Variants in GRIA1 observed in about 807,000 individuals in gnomAD.
GRIA1 encodes glutamate receptor 1.
Under a neutral mutation model 99.2 loss-of-function variants are expected in GRIA1, and 31 were observed. That is an observed-to-expected ratio of 0.31 (90% CI 0.23 to 0.42). GRIA1 has a LOEUF of 0.42. Ranked by LOEUF, GRIA1 falls within the 10% of genes least tolerant of loss-of-function variation. The pLI is 1.00. For missense variants in GRIA1, 782 were observed against 1,157.5 expected, an observed-to-expected ratio of 0.68 and a Z score of 4.71; for synonymous variants, 438 against 432.4, an observed-to-expected ratio of 1.01 and a Z score of -0.16.
rs778958280 is a variant in GRIA1 at position 153,705,813 on chromosome 5, A to G, written c.1569A>G (p.Lys523=). Residue 523 remains lysine, a synonymous_variant, in exon 11 of 16, where the codon AAA becomes AAG. Transcript: ENST00000285900. ...CCATCATGATTAAAAAACCACAGAA[A>G]TCCAAGCCGGGTGTCTTCTCCTTCC... The part of the protein sequence containing the change: ...GISIMIKKPQ[K]SKPGVFSFLD... 1 of 1,613,660 alleles carries G rather than the reference A, an allele frequency of 6.2e-7. No individual in the cohort carries two copies. The highest frequency in any genetic ancestry group is 8.5e-7 in the Non-Finnish European group (1 of 1,179,930).
intron 13 of GRIA1, among the ~76,000 whole-genome samples, chr5:153,790,160 G>A (rs1227612564): frequency 2.0e-5 from 3 of 152,152 alleles, no homozygotes; most frequent in African/African-American, 7.2e-5. Flanking sequence ...TGAAGCCACA[G>A]GAGGCAGGTA....
At chr5:153,640,097 C>T (rs1410382153) in intron 2 of GRIA1, among the ~76,000 whole-genome samples, 3 of 152,180 alleles carry the variant, frequency 2.0e-5, no homozygotes, top group South Asian at 2.1e-4. Context: ...GCCCCCTGCC[C>T]TTGGTTACAT....
rs1050412689 is a variant in GRIA1 at position 153,634,272 on chromosome 5, C to T, written c.221-12656C>T. Among the ~76,000 whole-genome samples the T allele has an allele frequency of 4.0e-5, 6 of 149,684 alleles. No individual in the cohort carries two copies. The East Asian group carries it at 5.9e-4, about 15-fold the overall frequency. ...GGTGGAGCTTGCAGTGAGCCGAGAT[C>T]GCGCCACTGCAATCCAGTCTGGGCA... On this transcript the variant is annotated intron_variant, in intron 2 of 15. Coordinates refer to ENST00000285900, the MANE Select transcript of GRIA1 (RefSeq NM_000827.4).
chr5:153,695,719 C>A (rs545374738), intron 8 of GRIA1, among the ~76,000 whole-genome samples: 1 of 152,234 alleles, frequency 6.6e-6, no homozygotes, highest in Admixed American at 6.5e-5. Context: ...TCTCCTTCCA[C>A]CTTGACTAAC....
chr5:153,697,991 C>A, intron 8 of GRIA1, 53 bp from the exon 9 acceptor site: 1 of 943,984 alleles, frequency 1.1e-6, no homozygotes, highest in South Asian at 1.4e-5. Context: ...CAGAGCAGGC[C>A]AGTTCAGAGG....
In GRIA1 at chr5:153,585,401, C is replaced by T. The variant is rs193042960; in HGVS notation, c.221-61527C>T. Among the ~76,000 whole-genome samples, 1,280 of 145,546 alleles carry T rather than the reference C, an allele frequency of 8.8e-3. 7 individuals carry two copies. Among genetic ancestry groups the T allele is most frequent in the Non-Finnish European group, 0.013 (863 of 66,654 alleles). The stretch of plus-strand genomic sequence containing the variant: ...TCAGCTCACTGCAACCTCCACCTCC[C>T]GGGTCCAAGCAATTTTCCTGTCTCA... On this transcript the variant is annotated intron_variant, in intron 2 of 15. Transcript: ENST00000285900.
chr5:153,733,960 A>C (rs1005251163), intron 11 of GRIA1, among the ~76,000 whole-genome samples: 1 of 152,202 alleles, frequency 6.6e-6, no homozygotes, highest in Middle Eastern at 3.2e-3. Flanking sequence ...TCCACAGAAA[A>C]ATCCATAAGG....
At chr5:153,548,709 A>G (rs1759838131) in intron 2 of GRIA1, among the ~76,000 whole-genome samples, 1 of 152,214 alleles carries the variant, frequency 6.6e-6, no homozygotes, top group Non-Finnish European at 1.5e-5. Context: ...AAAATGTGAG[A>G]AAAAGGGGAA....
At chr5:153,701,795 T>C (rs1164901041) in intron 10 of GRIA1, among the ~76,000 whole-genome samples, 1 of 152,018 alleles carries the variant, frequency 6.6e-6, no homozygotes, top group Non-Finnish European at 1.5e-5. Flanking sequence ...AAAAATTCAT[T>C]TGGAGGCTTC....
chr5:153,777,886 C>A (rs1335350002), intron 13 of GRIA1, among the ~76,000 whole-genome samples: 1 of 152,162 alleles, frequency 6.6e-6, no homozygotes, highest in Non-Finnish European at 1.5e-5. Context: ...TACAGTATGT[C>A]CCAGGGAAAT....
chr5:153,743,204 C>CA (rs1323683947), intron 11 of GRIA1, among the ~76,000 whole-genome samples: 4 of 152,012 alleles, frequency 2.6e-5, no homozygotes, highest in South Asian at 2.1e-4. Context: ...ATGGCAGACA[C>CA]AAAAAAATGG....
At chr5:153,685,819 A>G (rs1014690483) in intron 7 of GRIA1, among the ~76,000 whole-genome samples, 16 of 152,186 alleles carry the variant, frequency 1.1e-4, no homozygotes, top group Non-Finnish European at 1.8e-4. Flanking sequence ...CTTCTGACTC[A>G]TTAGTGATGG....
intron 2 of GRIA1, among the ~76,000 whole-genome samples, chr5:153,633,651 A>G (rs1044461917): frequency 6.6e-6 from 1 of 152,202 alleles, no homozygotes; most frequent in Non-Finnish European, 1.5e-5. Context: ...AAGAAAATGT[A>G]TAAGTTAGAG....
chr5:153,688,439 G>T (rs545058231), intron 8 of GRIA1, among the ~76,000 whole-genome samples: 1 of 152,280 alleles, frequency 6.6e-6, no homozygotes, highest in South Asian at 2.1e-4. Flanking sequence ...ACATTTGCTA[G>T]GTCACTTAGC....
chr5:153,532,194 G>T (rs1384225302), intron 2 of GRIA1, among the ~76,000 whole-genome samples: 3 of 152,090 alleles, frequency 2.0e-5, no homozygotes, highest in Non-Finnish European at 4.4e-5. Context: ...ATTCCCCAAA[G>T]ATCATCCCCA....
At chr5:153,793,672 G>T (rs1417314227) in intron 13 of GRIA1, among the ~76,000 whole-genome samples, 1 of 152,184 alleles carries the variant, frequency 6.6e-6, no homozygotes, top group Non-Finnish European at 1.5e-5. Flanking sequence ...GTGAGGAGTT[G>T]TCCATAGAGA....
rs549472766 is a variant in GRIA1 at position 153,492,047 on chromosome 5, G to T, written c.82+1077G>T. 1.9e-5 allele frequency: 19 copies of T among 1,020,568 alleles called. No individual in the cohort carries two copies. The East Asian group carries it at 5.0e-4, about 27-fold the overall frequency. The allele number at this position is 1,020,568 out of a possible 1,614,324, so 63.2% of individuals were successfully genotyped here. A position where few individuals can be genotyped will look rare whatever the true frequency, so the allele number is the denominator to read the frequency against. ...CGGAATGAAGCAAGCTGCTGTGTTT[G>T]GAAGCATCTTCGTTGGTTTGGTTTC... On this transcript the variant is annotated intron_variant, in intron 1 of 15. Transcript: ENST00000285900.
At chr5:153,648,950 C>T (rs916520250) in intron 3 of GRIA1, among the ~76,000 whole-genome samples, 1 of 151,886 alleles carries the variant, frequency 6.6e-6, no homozygotes, top group African/African-American at 2.4e-5. Context: ...AAACTATTGA[C>T]CTTTAATAGG....
intron 11 of GRIA1, among the ~76,000 whole-genome samples, chr5:153,717,917 T>C (rs867059783): frequency 6.6e-6 from 1 of 152,216 alleles, no homozygotes; most frequent in Non-Finnish European, 1.5e-5. Context: ...AATGTCTTCC[T>C]GGCTGGGGAC....
Sources: gnomAD v4.1 joint callset for allele counts (sites outside exome capture counted in the v4.1 genomes callset) on GRCh38, gnomAD v4.1.1 for gene constraint, MANE v1.5 for transcripts, NCBI Gene and HGNC (gene_info 2026-07-23, HGNC 2026-07-21) for gene names.